Variants in USP43 observed in about 807,000 individuals in gnomAD.
USP43 encodes the protein ubiquitin carboxyl-terminal hydrolase 43.
USP43 carries 33 observed loss-of-function variants against 90.7 expected under a neutral mutation model. That is an observed-to-expected ratio of 0.36 (90% CI 0.28 to 0.49). The LOEUF (loss-of-function observed/expected upper bound fraction) is 0.49, where lower values mean the gene tolerates loss of function less well. Among genes scored for constraint, USP43 ranks in the 20% least tolerant of loss-of-function variants. The pLI, the probability that USP43 is intolerant of heterozygous loss-of-function variation, is 0.98. For missense variants in USP43, 1,274 were observed against 1,476.4 expected (o/e 0.86, Z 2.25); for synonymous variants, 598 against 615.8 (o/e 0.97, Z 0.43).
chr17:9,682,810 C>T lies in USP43; in HGVS notation c.1106-13C>T, dbSNP rs200996361. ...TTTAGGAATATGAACAAATGTCATT[C>T]TCTCCCTTCTAGCTCATCCACTGGG... On this transcript the variant is annotated splice_polypyrimidine_tract_variant and intron_variant, in intron 6 of 14. Coordinates refer to ENST00000285199, the MANE Select transcript of USP43 (RefSeq NM_153210.5). 3.6e-5 allele frequency: 58 copies of T among 1,612,788 alleles called. No individual in the cohort carries two copies. The Admixed American group carries it at 7.3e-4, about 20-fold the overall frequency.
intron 12 of USP43, among the ~76,000 whole-genome samples, chr17:9,707,690 T>A (rs1228371949): frequency 6.6e-6 from 1 of 151,866 alleles, no homozygotes; most frequent in East Asian, 1.9e-4. Flanking sequence ...TTTTTATTTA[T>A]TAAACATTTT....
At position 9,645,823 on chromosome 17, in the gene USP43, C is replaced by T. The variant is rs1244882797; in HGVS notation, c.191C>T (p.Ala64Val). Residue 64 changes from alanine to valine, a missense_variant, in exon 1 of 15, where the codon GCC becomes GTC. Ala to Val is a moderately conservative substitution (Grantham distance 64, BLOSUM62 0). Transcript: ENST00000285199. The surrounding 1 kb of genome is among the most constrained non-coding windows in gnomAD (Gnocchi z 6.8). Reference sequence around the variant, plus strand: ...GACGGTGAGGGGGGCTTCGCCTGCGCCCCGGGCCCAGTTCCAGCGGCCCCC... The same window carrying T: ...GACGGTGAGGGGGGCTTCGCCTGCGTCCCGGGCCCAGTTCCAGCGGCCCCC... ...DGDGEGGFAC[A>V]PGPVPAAPGS... 2.9e-6 allele frequency: 4 copies of T among 1,394,990 alleles called. No homozygotes were observed. Among genetic ancestry groups the T allele is most frequent in the South Asian group, 3.3e-5 (2 of 59,848 alleles). The allele number at this position is 1,394,990 out of a possible 1,614,324, so 86.4% of individuals were successfully genotyped here.
At chr17:9,667,524 A>G (rs1351231355) in intron 3 of USP43, among the ~76,000 whole-genome samples, 1 of 152,250 alleles carries the variant, frequency 6.6e-6, no homozygotes, top group Non-Finnish European at 1.5e-5. Context: ...AATCGTTTCA[A>G]TATTATAATG....
Position 9,728,619 on chromosome 17 carries a change from T to C in USP43, c.3001T>C (p.Ser1001Pro). 6.2e-7 allele frequency: 1 copy of C among 1,613,634 alleles called. No individual in the cohort carries two copies. Among genetic ancestry groups the C allele is most frequent in the South Asian group, 1.1e-5 (1 of 91,018 alleles). Residue 1001 changes from serine to proline, a missense_variant, in exon 15 of 15, where the codon TCC becomes CCC. By Grantham distance (74) the Ser-to-Pro change is moderately conservative (BLOSUM62 -1). Transcript: ENST00000285199. The surrounding 1 kb of genome is among the most constrained non-coding windows in gnomAD (Gnocchi z 6.2). ...PLQGTLTLLR[S>P]VFRKKENRRN... ...GCAGGGGACACTCACCCTTCTGAGG[T>C]CCGTGTTTCGGAAGAAGGAGAACAG... is the stretch of plus-strand genomic sequence containing the variant.
At chr17:9,702,173 C>A (rs1597870667) in intron 12 of USP43, among the ~76,000 whole-genome samples, 3 of 150,614 alleles carry the variant, frequency 2.0e-5, no homozygotes. Flanking sequence ...CCAGCCTAGG[C>A]AACAAAGTGA....
chr17:9,700,046 C>G (rs1915480719), intron 9 of USP43, 126 bp from the exon 10 acceptor site: 1 of 895,030 alleles, frequency 1.1e-6, no homozygotes, highest in Non-Finnish European at 1.7e-6. Context: ...CCTTGGCTTA[C>G]TGGCAGTTTT....
chr17:9,712,084 G>A lies in USP43; in HGVS notation c.2287G>A (p.Val763Ile). The part of the protein sequence containing the change: ...SSAPCPSLPQ[V>I]PDSPIFTNSL... ...TGCCCCCTGCCCCTCCCTGCCCCAGGTTCCTGACTCTCCCATCTTCACCAA... is the reference window on the plus strand; with the variant it reads ...TGCCCCCTGCCCCTCCCTGCCCCAGATTCCTGACTCTCCCATCTTCACCAA... Residue 763 changes from valine to isoleucine, a missense_variant, in exon 14 of 15, where the codon GTT becomes ATT. This residue lies in a region of USP43 where 285 missense variants were observed against 349.6 expected (regional missense o/e 0.82). Transcript: ENST00000285199. The A allele has an allele frequency of 6.2e-7, 1 of 1,609,986 alleles. No individual in the cohort carries two copies. Among genetic ancestry groups the A allele is most frequent in the Non-Finnish European group, 8.5e-7 (1 of 1,177,684 alleles).
intron 14 of USP43, among the ~76,000 whole-genome samples, chr17:9,714,123 G>A (rs408537): frequency 0.19 from 29,147 of 152,094 alleles, 4,033 homozygotes; most frequent in African/African-American, 0.38. Flanking sequence ...GACAGGAGGC[G>A]GAGCTCAGGC....
intron 1 of USP43, among the ~76,000 whole-genome samples, chr17:9,647,833 T>C (rs2151959047): frequency 7.5e-6 from 1 of 132,672 alleles, no homozygotes; most frequent in East Asian, 2.1e-4. Context: ...TGAAACCCCG[T>C]CTTTACTAAA....
chr17:9,722,229 A>G (rs892868046), intron 14 of USP43, among the ~76,000 whole-genome samples: 2 of 152,098 alleles, frequency 1.3e-5, no homozygotes, highest in African/African-American at 4.8e-5. Flanking sequence ...GTCCAAGTTT[A>G]ATAATCCCAC....
chr17:9,712,237 C>T, intron 14 of USP43, 105 bp downstream of exon 14: 5 of 1,320,432 alleles, frequency 3.8e-6, no homozygotes, highest in Non-Finnish European at 5.0e-6. Context: ...TGGAAAGGGT[C>T]CATCATTACG....
intron 2 of USP43, among the ~76,000 whole-genome samples, chr17:9,665,160 AG>A (rs1272167369): frequency 2.0e-5 from 3 of 152,152 alleles, no homozygotes; most frequent in East Asian, 3.9e-4. Context: ...TGGAAGGGAT[AG>A]GGGTCCAGAG....
intron 9 of USP43, among the ~76,000 whole-genome samples, chr17:9,694,849 C>G (rs758304985): frequency 1.8e-4 from 28 of 152,124 alleles, no homozygotes; most frequent in Non-Finnish European, 3.5e-4. Flanking sequence ...GTCTCGAACT[C>G]CTGACCTCAA....
chr17:9,711,915 A>T, intron 13 of USP43, 53 bp from the exon 14 acceptor site: 1 of 1,515,412 alleles, frequency 6.6e-7, no homozygotes. Context: ...CTCCGCTAGG[A>T]CTCTGAAGTG....
intron 12 of USP43, among the ~76,000 whole-genome samples, chr17:9,707,626 G>A (rs1306427537): frequency 7.4e-6 from 1 of 134,444 alleles, no homozygotes; most frequent in Admixed American, 7.8e-5. Flanking sequence ...CAGCCTGGGC[G>A]ACAGACCGAG....
chr17:9,684,538 C>T (rs1316672965), intron 7 of USP43, among the ~76,000 whole-genome samples: 2 of 151,280 alleles, frequency 1.3e-5, no homozygotes, highest in African/African-American at 4.9e-5. Context: ...CTGAGGCGGG[C>T]GGATCACCTG....
chr17:9,650,578 T>A (rs1048360755), intron 1 of USP43, among the ~76,000 whole-genome samples: 3 of 152,164 alleles, frequency 2.0e-5, no homozygotes, highest in African/African-American at 7.2e-5. Context: ...ATTTTTTGTA[T>A]TTTTAGTAGA....
chr17:9,694,215 C>T (rs993465831), intron 9 of USP43, among the ~76,000 whole-genome samples: 1 of 152,176 alleles, frequency 6.6e-6, no homozygotes, highest in African/African-American at 2.4e-5. Context: ...TGAGATGGGC[C>T]TTTCCCCTTG....
At chr17:9,666,571 A>G in intron 2 of USP43, 77 bp from the exon 3 acceptor site, 1 of 1,206,830 alleles carries the variant, frequency 8.3e-7, no homozygotes, top group Non-Finnish European at 1.2e-6. Context: ...AGGAGGAAGC[A>G]TGGGCTCGGT....
Sources: allele counts gnomAD v4.1 joint callset (sites outside exome capture counted in the v4.1 genomes callset), GRCh38; gene constraint gnomAD v4.1.1; regional missense constraint gnomAD v4.1.1; non-coding constraint Gnocchi (gnomAD v3.1); transcripts MANE v1.5; gene names NCBI Gene and HGNC (gene_info 2026-07-23, HGNC 2026-07-21).